Variants in FIG4 observed in about 807,000 individuals in gnomAD.
FIG4 encodes FIG4 phosphoinositide 5-phosphatase.
Under a neutral mutation model 118.6 loss-of-function variants are expected in FIG4, and 112 were observed. The observed-to-expected ratio is 0.94, with a 90% CI of 0.81 to 1.11. The LOEUF (loss-of-function observed/expected upper bound fraction) is 1.11. FIG4 is among the 50% of genes least tolerant of loss of function. The pLI is 0.00. For synonymous variants in FIG4, 369 were observed against 381.2 expected (o/e 0.97, Z 0.37); for missense variants, 969 against 1,111.7 (o/e 0.87, Z 1.83).
chr6:109,823,807 G>T (rs1779079246), intron 22 of FIG4, among the ~76,000 whole-genome samples: 2 of 152,160 alleles, frequency 1.3e-5, no homozygotes, highest in Non-Finnish European at 2.9e-5. Flanking sequence ...AGATTCTCCA[G>T]ATTTTCTTTC....
At chr6:109,819,562 A>G (rs1778949568) in intron 22 of FIG4, among the ~76,000 whole-genome samples, 1 of 152,218 alleles carries the variant, frequency 6.6e-6, no homozygotes, top group Non-Finnish European at 1.5e-5. Context: ...TCCGCCTCCC[A>G]GGTTCACACA....
intron 21 of FIG4, among the ~76,000 whole-genome samples, chr6:109,796,493 TTTAAA>T (rs1778290864): frequency 6.6e-6 from 1 of 152,236 alleles, no homozygotes; most frequent in Non-Finnish European, 1.5e-5. Flanking sequence ...CTGCACCATG[TTTAAA>T]TTAATAGAAG....
At chr6:109,746,824 T>C (rs144332448) in intron 10 of FIG4, among the ~76,000 whole-genome samples, 14 of 152,258 alleles carry the variant, frequency 9.2e-5, no homozygotes, top group East Asian at 3.9e-4. Context: ...GAGGCTGTTA[T>C]AATTGTCCAG....
intron 10 of FIG4, among the ~76,000 whole-genome samples, chr6:109,747,729 G>T (rs547295205): frequency 6.6e-6 from 1 of 152,260 alleles, no homozygotes; most frequent in African/African-American, 2.4e-5. Context: ...GGAATGATCA[G>T]TGATTTCATG....
At chr6:109,697,740 A>C (rs1774773840) in intron 1 of FIG4, among the ~76,000 whole-genome samples, 1 of 152,252 alleles carries the variant, frequency 6.6e-6, no homozygotes, top group African/African-American at 2.4e-5. Context: ...TGGAGGCTGC[A>C]GAGATTAAAG....
At chr6:109,786,892 C>G (rs1777975329) in intron 18 of FIG4, among the ~76,000 whole-genome samples, 1 of 152,138 alleles carries the variant, frequency 6.6e-6, no homozygotes, top group African/African-American at 2.4e-5. Flanking sequence ...TTCTCTGTCT[C>G]TCTTCTTTCT....
At chr6:109,814,841 A>C (rs1439155496) in intron 22 of FIG4, among the ~76,000 whole-genome samples, 1 of 152,122 alleles carries the variant, frequency 6.6e-6, no homozygotes, top group Non-Finnish European at 1.5e-5. Flanking sequence ...CTCCCTGATT[A>C]TTTTTAGTGG....
chr6:109,748,971 C>G (rs539038026), intron 10 of FIG4, among the ~76,000 whole-genome samples: 2 of 151,850 alleles, frequency 1.3e-5, no homozygotes, highest in African/African-American at 4.8e-5. Flanking sequence ...CCATATCACC[C>G]AGGATGGAGG....
intron 10 of FIG4, among the ~76,000 whole-genome samples, chr6:109,758,094 G>A (rs1362954826): frequency 3.3e-5 from 5 of 152,146 alleles, no homozygotes; most frequent in Non-Finnish European, 7.4e-5. Flanking sequence ...TTTCTTCACA[G>A]AATTAGAAAA....
chr6:109,771,791 A>G (rs1777472572), intron 15 of FIG4, among the ~76,000 whole-genome samples: 1 of 152,110 alleles, frequency 6.6e-6, no homozygotes, highest in African/African-American at 2.4e-5. Context: ...ATCTTAAGTG[A>G]AACCTTGCCT....
In FIG4 at chr6:109,735,005, A is replaced by G. The variant is rs192762300; in HGVS notation, c.498-145A>G. 3,138 of 713,012 alleles carry G rather than the reference A, an allele frequency of 4.4e-3. 18 individuals are homozygous for G. Among genetic ancestry groups the G allele is most frequent in the Non-Finnish European group, 3.7e-3 (1,514 of 409,516 alleles). The allele number at this position is 713,012 out of a possible 1,614,324, so 44.2% of individuals were successfully genotyped here. On this transcript the variant is annotated intron_variant, in intron 5 of 22. Transcript: ENST00000230124. ...ACATTTATATTTTGCTGTGTTTTAC[A>G]GTGCTTATTTGAATAGCATTGCTTC...
At chr6:109,808,789 G>T (rs982068184) in intron 22 of FIG4, among the ~76,000 whole-genome samples, 13 of 152,112 alleles carry the variant, frequency 8.5e-5, no homozygotes, top group African/African-American at 2.9e-4. Flanking sequence ...GATCTTTTGA[G>T]TGAAAATTAG....
chr6:109,716,920 C>T (rs117875205), intron 3 of FIG4, among the ~76,000 whole-genome samples: 4 of 152,020 alleles, frequency 2.6e-5, no homozygotes, highest in South Asian at 4.1e-4. Flanking sequence ...TAACAAATCA[C>T]GTAAAACTGG....
At chr6:109,739,393 G>A (rs779053515) in intron 7 of FIG4, among the ~76,000 whole-genome samples, 4 of 152,084 alleles carry the variant, frequency 2.6e-5, no homozygotes, top group African/African-American at 7.2e-5. Context: ...TTGAGATCAC[G>A]TAGGGCATTT....
chr6:109,815,957 A>T (rs765840180), intron 22 of FIG4, among the ~76,000 whole-genome samples: 2 of 152,158 alleles, frequency 1.3e-5, no homozygotes, highest in African/African-American at 4.8e-5. Context: ...CTAACAGATT[A>T]TAGGCCATGT....
chr6:109,778,905 A>C (rs1188725951), intron 16 of FIG4, among the ~76,000 whole-genome samples: 1 of 152,124 alleles, frequency 6.6e-6, no homozygotes, highest in African/African-American at 2.4e-5. Context: ...GGCTTCTTGC[A>C]GCTGTTATTA....
At chr6:109,706,164 A>G (rs1333899435) in intron 1 of FIG4, among the ~76,000 whole-genome samples, 1 of 152,250 alleles carries the variant, frequency 6.6e-6, no homozygotes. Flanking sequence ...GGGGGCAGAC[A>G]AGCCCCAAAC....
chr6:109,748,120 C>T (rs555815779), intron 10 of FIG4, among the ~76,000 whole-genome samples: 102 of 152,050 alleles, frequency 6.7e-4, no homozygotes, highest in African/African-American at 2.2e-3. Context: ...GTCTTTTGTA[C>T]GTGGGAGGGT....
chr6:109,745,142 T>G (rs1342257107), intron 10 of FIG4, among the ~76,000 whole-genome samples: 6 of 152,188 alleles, frequency 3.9e-5, no homozygotes, highest in African/African-American at 1.4e-4. Context: ...TTCATAATCC[T>G]TTGGGTATAT....
Sources: gnomAD v4.1 joint callset for allele counts (sites outside exome capture counted in the v4.1 genomes callset) on GRCh38, gnomAD v4.1.1 for gene constraint, MANE v1.5 for transcripts, NCBI Gene and HGNC (gene_info 2026-07-23, HGNC 2026-07-21) for gene names.